Variants in PPP2R3A observed in about 807,000 individuals in gnomAD.
The protein encoded by PPP2R3A is serine/threonine-protein phosphatase 2A regulatory subunit B'' subunit alpha.
Under a neutral mutation model 106.9 loss-of-function variants are expected in PPP2R3A, and 80 were observed. The observed-to-expected ratio is 0.75, with a 90% CI of 0.62 to 0.90. The LOEUF (loss-of-function observed/expected upper bound fraction) is 0.90, where lower values mean the gene tolerates loss of function less well. Ranked by LOEUF, PPP2R3A falls within the 40% of genes least tolerant of loss-of-function variation. The pLI is 0.00. For synonymous variants in PPP2R3A, 483 were observed against 468.3 expected (o/e 1.03, Z -0.41); for missense variants, 1,386 against 1,350.4 (o/e 1.03, Z -0.41).
intron 1 of PPP2R3A, among the ~76,000 whole-genome samples, chr3:135,980,382 T>C (rs559611990): frequency 3.3e-5 from 5 of 151,504 alleles, no homozygotes; most frequent in African/African-American, 1.2e-4. Context: ...AGAAGACTTG[T>C]TTGAAAAGGA....
At chr3:136,129,872 A>G (rs1938334368) in intron 13 of PPP2R3A, among the ~76,000 whole-genome samples, 1 of 152,254 alleles carries the variant, frequency 6.6e-6, no homozygotes, top group South Asian at 2.1e-4. Flanking sequence ...ACGCAAATCA[A>G]TAAATGTAAT....
chr3:136,041,240 TTTTTTTTTTG>T (rs375949467), intron 4 of PPP2R3A, among the ~76,000 whole-genome samples: 29,399 of 128,484 alleles, frequency 0.23, 4,407 homozygotes, highest in Non-Finnish European at 0.31. Flanking sequence ...TTTTTCTTGT[TTTTTTTTTTG>T]TTTTTTTTTT....
intron 3 of PPP2R3A, among the ~76,000 whole-genome samples, chr3:136,039,733 T>G (rs1935201586): frequency 6.6e-6 from 1 of 152,182 alleles, no homozygotes; most frequent in African/African-American, 2.4e-5. Flanking sequence ...GTCCATGGCC[T>G]GGGACTTGGG....
intron 5 of PPP2R3A, among the ~76,000 whole-genome samples, chr3:136,062,103 A>G (rs576173115): frequency 6.6e-6 from 1 of 152,258 alleles, no homozygotes; most frequent in East Asian, 1.9e-4. Context: ...TATCTTGCTA[A>G]CCTAGTAATT....
In PPP2R3A at chr3:136,140,005, CA is replaced by C. The variant is rs370749523; in HGVS notation, c.3330-5020del. Among the ~76,000 whole-genome samples, 466 of 84,226 alleles carry C rather than the reference CA, an allele frequency of 5.5e-3. 1 individual carries two copies. The highest frequency in any genetic ancestry group is 0.04 in the South Asian group (103 of 2,596). 55.3% of individuals were successfully genotyped at this position (84,226 alleles called of 152,430 possible). A position where few individuals can be genotyped will look rare whatever the true frequency, so the allele number is the denominator to read the frequency against. On this transcript the variant is annotated intron_variant, in intron 13 of 13. Coordinates refer to ENST00000264977, the MANE Select transcript of PPP2R3A (RefSeq NM_002718.5). ...TGAGCAACAGAGCGAGACTCTGTCTCAAAAAAAAAAAAAAAAAAGAATATGT... is the reference window on the plus strand; with the variant it reads ...TGAGCAACAGAGCGAGACTCTGTCTCAAAAAAAAAAAAAAAAAGAATATGT...
In PPP2R3A at chr3:136,087,245, GTCTCTCTCTCTCTCTCTC is replaced by G. The variant is rs34566151; in HGVS notation, c.2789-601_2789-584del. The stretch of plus-strand genomic sequence containing the variant: ...AATGAAAGAACAGGTCTCTAGTCGT[GTCTCTCTCTCTCTCTCTC>G]TCTCTCTCTCTCTCTCTCTCTCTCT... On this transcript the variant is annotated intron_variant, in intron 8 of 13. Transcript: ENST00000264977. Among the ~76,000 whole-genome samples the G allele has an allele frequency of 7.3e-3, 551 of 75,134 alleles. 3 individuals carry two copies. Among genetic ancestry groups the G allele is most frequent in the African/African-American group, 0.02 (438 of 21,680 alleles). 49.3% of individuals were successfully genotyped at this position (75,134 alleles called of 152,430 possible).
In PPP2R3A at chr3:136,049,301, T is replaced by C. The variant is rs1455646172; in HGVS notation, c.2409T>C (p.Cys803=). ...ATGATGATGCCTCTAAATTCATCTG[T>C]CTTCTAGCAAAGCCCAACTGCAGCT... The part of the protein sequence containing the change: ...NHHDDASKFI[C]LLAKPNCSSL... Residue 803 remains cysteine (C), a synonymous_variant, in exon 5 of 14, where the codon TGT becomes TGC. Coordinates refer to ENST00000264977, the MANE Select transcript of PPP2R3A (RefSeq NM_002718.5). The C allele has an allele frequency of 6.2e-7, 1 of 1,613,908 alleles. No individual in the cohort carries two copies. Among genetic ancestry groups the C allele is most frequent in the Admixed American group, 1.7e-5 (1 of 60,028 alleles).
intron 3 of PPP2R3A, among the ~76,000 whole-genome samples, chr3:136,033,219 A>G (rs1255074243): frequency 6.6e-6 from 1 of 152,214 alleles, no homozygotes; most frequent in East Asian, 1.9e-4. Flanking sequence ...CATCCCTGAT[A>G]TGAAACCCAC....
intron 3 of PPP2R3A, among the ~76,000 whole-genome samples, chr3:136,032,756 G>T (rs748885504): frequency 1.3e-4 from 20 of 152,020 alleles, no homozygotes; most frequent in Non-Finnish European, 2.5e-4. Flanking sequence ...GGATGGTCTC[G>T]ATCTCCTGAC....
chr3:135,998,998 A>G (rs989986035), intron 1 of PPP2R3A, among the ~76,000 whole-genome samples: 1 of 152,134 alleles, frequency 6.6e-6, no homozygotes, highest in African/African-American at 2.4e-5. Context: ...GGGGAGCAAA[A>G]TGGGAGAAAC....
chr3:136,130,820 C>T (rs1035990340), intron 13 of PPP2R3A, among the ~76,000 whole-genome samples: 3 of 152,056 alleles, frequency 2.0e-5, no homozygotes, highest in African/African-American at 4.8e-5. Flanking sequence ...ATGTATAGAC[C>T]AATGAAACAA....
chr3:136,121,083 A>G (rs1937979021), intron 13 of PPP2R3A, among the ~76,000 whole-genome samples: 1 of 152,180 alleles, frequency 6.6e-6, no homozygotes, highest in East Asian at 1.9e-4. Context: ...ACTGCTGGGT[A>G]TATATACCCA....
At chr3:136,012,805 T>C (rs556728488) in intron 2 of PPP2R3A, among the ~76,000 whole-genome samples, 38 of 152,314 alleles carry the variant, frequency 2.5e-4, no homozygotes, top group Admixed American at 1.4e-3. Flanking sequence ...CTATTTATTT[T>C]TATTTCAATA....
intron 2 of PPP2R3A, among the ~76,000 whole-genome samples, chr3:136,021,238 G>A (rs181553422): frequency 7.0e-4 from 106 of 152,104 alleles, no homozygotes; most frequent in Admixed American, 2.2e-3. Flanking sequence ...AAAAATATGG[G>A]AAAGCTACCC....
chr3:136,004,019 A>G (rs1274462807), intron 2 of PPP2R3A, among the ~76,000 whole-genome samples: 3 of 152,218 alleles, frequency 2.0e-5, no homozygotes, highest in East Asian at 1.9e-4. Flanking sequence ...AAAACTGACA[A>G]TGTCTGAAAC....
chr3:136,028,368 A>T (rs1934741701), intron 3 of PPP2R3A, among the ~76,000 whole-genome samples: 1 of 152,216 alleles, frequency 6.6e-6, no homozygotes. Flanking sequence ...CCCCTTCTTA[A>T]AAATTGCTTG....
chr3:136,058,666 A>C lies in PPP2R3A; in HGVS notation c.2469+9305A>C, dbSNP rs530989254. 2.0e-5 allele frequency among the ~76,000 whole-genome samples: 3 copies of C among 152,312 alleles called. No homozygotes were observed. The South Asian group carries it at 6.2e-4, about 32-fold the overall frequency. ...ATAGGAAATAGACTACTTTAAAATT[A>C]ATATGGAACGAAAAAAGAGCCATAA... On this transcript the variant is annotated intron_variant, in intron 5 of 13. Transcript: ENST00000264977.
chr3:136,044,594 AGAC>A (rs1935409357), intron 4 of PPP2R3A, among the ~76,000 whole-genome samples: 1 of 146,574 alleles, frequency 6.8e-6, no homozygotes. Flanking sequence ...AAAAAAAAAA[AGAC>A]AAGGATGTTA....
chr3:136,097,644 G>A (rs1937247095), intron 10 of PPP2R3A, among the ~76,000 whole-genome samples: 1 of 152,094 alleles, frequency 6.6e-6, no homozygotes, highest in African/African-American at 2.4e-5. Flanking sequence ...AGTAAAATAA[G>A]TTGTCTTTCA....
Sources: allele counts gnomAD v4.1 joint callset (sites outside exome capture counted in the v4.1 genomes callset), GRCh38; gene constraint gnomAD v4.1.1; transcripts MANE v1.5; gene names NCBI Gene and HGNC (gene_info 2026-07-23, HGNC 2026-07-21).